Variants in SUPT3H observed in about 807,000 individuals in gnomAD.
SUPT3H encodes SPT3 homolog, SAGA and STAGA complex component.
SUPT3H carries 44 observed loss-of-function variants against 44.3 expected under a neutral mutation model. That is an observed-to-expected ratio of 0.99 (90% CI 0.78 to 1.28). The LOEUF is 1.28. Ranked by LOEUF, SUPT3H falls within the 50% of genes most tolerant of loss-of-function variation. The probability of loss-of-function intolerance (pLI) is 0.00; values close to 1 mark genes in which losing one functional copy is unlikely to be tolerated. For synonymous variants in SUPT3H, 124 were observed against 125.6 expected (o/e 0.99, Z 0.09); for missense variants, 380 against 387.1 (o/e 0.98, Z 0.15).
intron 2 of SUPT3H, among the ~76,000 whole-genome samples, chr6:45,227,640 T>C (rs1350491292): frequency 1.3e-5 from 2 of 152,198 alleles, no homozygotes; most frequent in East Asian, 1.9e-4. Context: ...TGGACACCTG[T>C]TGCATTCCTA....
chr6:45,117,100 A>G (rs1233045493), intron 2 of SUPT3H, among the ~76,000 whole-genome samples: 5 of 152,098 alleles, frequency 3.3e-5, no homozygotes, highest in African/African-American at 1.2e-4. Flanking sequence ...TTTAGGTCCT[A>G]CCCAAGTTTT....
At chr6:44,929,295 G>A (rs984356868) in intron 10 of SUPT3H, among the ~76,000 whole-genome samples, 3 of 151,962 alleles carry the variant, frequency 2.0e-5, no homozygotes, top group Admixed American at 6.6e-5. Flanking sequence ...AAGATGACTC[G>A]CTAAAAGCAG....
At chr6:45,170,253 C>G (rs1415774699) in intron 2 of SUPT3H, among the ~76,000 whole-genome samples, 1 of 152,146 alleles carries the variant, frequency 6.6e-6, no homozygotes, top group Non-Finnish European at 1.5e-5. Context: ...CTGAATAATT[C>G]TATAGGCATT....
At chr6:45,059,661 A>G (rs1033080344) in intron 3 of SUPT3H, among the ~76,000 whole-genome samples, 4 of 152,164 alleles carry the variant, frequency 2.6e-5, no homozygotes, top group Non-Finnish European at 4.4e-5. Context: ...TTGTTTGCAG[A>G]TGACATAATC....
intron 2 of SUPT3H, among the ~76,000 whole-genome samples, chr6:45,161,359 C>A (rs572931013): frequency 4.9e-4 from 75 of 152,216 alleles, no homozygotes; most frequent in Admixed American, 1.8e-3. Context: ...TAGTTCACAG[C>A]CACATTATAA....
rs546999420 is a variant in SUPT3H at position 45,268,400 on chromosome 6, AAAC to A, written c.101+96798_101+96800del. ...TTACAGATCTGCCTAAATAGAGTAA[AAAC>A]AACAACAAAAAACATGATTCTCCAT... On this transcript the variant is annotated intron_variant, in intron 2 of 10. Coordinates refer to ENST00000371459, the MANE Select transcript of SUPT3H (RefSeq NM_003599.4). Among the ~76,000 whole-genome samples, 12 of 152,320 alleles carry A rather than the reference AAAC, an allele frequency of 7.9e-5. No individual in the cohort carries two copies. The South Asian group carries it at 2.5e-3, about 32-fold the overall frequency.
intron 2 of SUPT3H, among the ~76,000 whole-genome samples, chr6:45,126,083 A>G (rs1243653682): frequency 6.6e-6 from 1 of 152,202 alleles, no homozygotes; most frequent in East Asian, 1.9e-4. Context: ...TGTCACCTGG[A>G]TGCCCAAATT....
intron 6 of SUPT3H, among the ~76,000 whole-genome samples, chr6:44,968,644 T>A (rs1404192734): frequency 6.6e-6 from 1 of 152,142 alleles, no homozygotes; most frequent in Admixed American, 6.6e-5. Context: ...TTGCAACAGC[T>A]TCCTAGCTTT....
intron 3 of SUPT3H, among the ~76,000 whole-genome samples, chr6:45,046,897 T>C (rs1158464052): frequency 6.6e-6 from 1 of 152,290 alleles, no homozygotes; most frequent in African/African-American, 2.4e-5. Flanking sequence ...CTTCTTAAAC[T>C]TCATTTAGCA....
chr6:44,870,476 G>T (rs1247504050), intron 10 of SUPT3H, among the ~76,000 whole-genome samples: 1 of 151,734 alleles, frequency 6.6e-6, no homozygotes, highest in Non-Finnish European at 1.5e-5. Flanking sequence ...GTGCACACCT[G>T]TAGTCCCAGC....
intron 10 of SUPT3H, among the ~76,000 whole-genome samples, chr6:44,904,101 T>C (rs1235706426): frequency 1.3e-5 from 2 of 152,166 alleles, no homozygotes; most frequent in Admixed American, 6.5e-5. Flanking sequence ...ACCGGAAGCA[T>C]TCCCTTTGAA....
chr6:45,092,457 A>T (rs577414012), intron 3 of SUPT3H, among the ~76,000 whole-genome samples: 10 of 152,236 alleles, frequency 6.6e-5, no homozygotes, highest in Admixed American at 5.9e-4. Context: ...TTTAATTAAA[A>T]AATTTGAAGT....
At chr6:44,945,540 T>G (rs1773200140) in intron 9 of SUPT3H, among the ~76,000 whole-genome samples, 1 of 152,208 alleles carries the variant, frequency 6.6e-6, no homozygotes, top group Non-Finnish European at 1.5e-5. Context: ...TGAAACAGCC[T>G]TATTGCTGAT....
intron 6 of SUPT3H, among the ~76,000 whole-genome samples, chr6:44,986,488 A>G (rs868422074): frequency 6.6e-6 from 1 of 152,164 alleles, no homozygotes; most frequent in Non-Finnish European, 1.5e-5. Flanking sequence ...AATTTATTGC[A>G]CTTGGTAGAG....
intron 2 of SUPT3H, among the ~76,000 whole-genome samples, chr6:45,252,284 T>C (rs1026390901): frequency 6.6e-6 from 1 of 152,174 alleles, no homozygotes; most frequent in Non-Finnish European, 1.5e-5. Flanking sequence ...CTGACTTAAT[T>C]CTCCAGCTGA....
intron 2 of SUPT3H, among the ~76,000 whole-genome samples, chr6:45,136,681 G>C (rs1293338974): frequency 6.6e-6 from 1 of 151,782 alleles, no homozygotes; most frequent in Non-Finnish European, 1.5e-5. Flanking sequence ...GGGCTCAATA[G>C]CAGAACTGAG....
chr6:44,826,510 TTA>T (rs1167687063), downstream of SUPT3H, among the ~76,000 whole-genome samples: 1 of 152,210 alleles, frequency 6.6e-6, no homozygotes, highest in African/African-American at 2.4e-5. Context: ...GTAAAATATT[TTA>T]TGAGATGTAT....
At chr6:45,150,654 T>G (rs771097265) in intron 2 of SUPT3H, among the ~76,000 whole-genome samples, 1 of 151,984 alleles carries the variant, frequency 6.6e-6, no homozygotes, top group Non-Finnish European at 1.5e-5. Context: ...TCTTGAAACA[T>G]TACCTTGTGC....
At chr6:45,071,854 G>A (rs1794434190) in intron 3 of SUPT3H, among the ~76,000 whole-genome samples, 1 of 152,168 alleles carries the variant, frequency 6.6e-6, no homozygotes, top group Non-Finnish European at 1.5e-5. Flanking sequence ...ACCTACCAAA[G>A]AAATGCAAGG....
Sources: gnomAD v4.1 joint callset for allele counts (sites outside exome capture counted in the v4.1 genomes callset) on GRCh38, gnomAD v4.1.1 for gene constraint, MANE v1.5 for transcripts, NCBI Gene and HGNC (gene_info 2026-07-23, HGNC 2026-07-21) for gene names.